TENM2: variants seen among roughly 807,000 people sequenced by gnomAD.
The protein encoded by TENM2 is teneurin-2.
A neutral mutation model predicts 245.2 loss-of-function variants in TENM2; 52 were observed. The ratio of observed to expected loss-of-function variants is 0.21; its 90% CI spans 0.17 to 0.27. The LOEUF (loss-of-function observed/expected upper bound fraction) is 0.27. Among genes scored for constraint, TENM2 ranks in the 10% least tolerant of loss-of-function variants. The probability of loss-of-function intolerance (pLI) is 1.00; values close to 1 mark genes in which losing one functional copy is unlikely to be tolerated. For missense variants in TENM2, 3,046 were observed against 3,666.8 expected, an observed-to-expected ratio of 0.83 and a Z score of 4.37; for synonymous variants, 1,363 against 1,438.9, an observed-to-expected ratio of 0.95 and a Z score of 1.19.
intron 2 of TENM2, among the ~76,000 whole-genome samples, chr5:167,447,982 C>G (rs1048829951): frequency 1.3e-5 from 2 of 152,068 alleles, no homozygotes; most frequent in South Asian, 2.1e-4. Context: ...TTGCAAGAGA[C>G]AGCTGTACTG....
chr5:168,195,118 G>GGA (rs1761297206), intron 14 of TENM2, 58 bp from the exon 17 acceptor site: 1 of 1,549,386 alleles, frequency 6.5e-7, no homozygotes, highest in African/African-American at 1.4e-5. Flanking sequence ...GAGGCAGTGG[G>GGA]GAATTGTCTC....
At chr5:167,980,382 A>G (rs962274788) in intron 4 of TENM2, among the ~76,000 whole-genome samples, 1 of 152,146 alleles carries the variant, frequency 6.6e-6, no homozygotes, top group Middle Eastern at 3.2e-3. Flanking sequence ...TTGAGGAGAG[A>G]CTTGAAAGAC....
intron 7 of TENM2, among the ~76,000 whole-genome samples, chr5:168,077,349 A>G (rs1791566660): frequency 6.6e-6 from 1 of 152,076 alleles, no homozygotes; most frequent in African/African-American, 2.4e-5. Flanking sequence ...AAAGATCTTT[A>G]GTGAGTACCC....
At chr5:167,580,047 C>G (rs190389230) in intron 2 of TENM2, among the ~76,000 whole-genome samples, 20 of 152,282 alleles carry the variant, frequency 1.3e-4, no homozygotes, top group Non-Finnish European at 2.4e-4. Context: ...GAATGGATTA[C>G]AAATTTCTCT....
intron 9 of TENM2, among the ~76,000 whole-genome samples, chr5:168,115,359 G>GGGAAGGAAAGAA (rs1794980992): frequency 1.4e-5 from 1 of 71,598 alleles, no homozygotes; most frequent in African/African-American, 6.6e-5. Context: ...AGGGAAGGAA[G>GGGAAGGAAAGAA]GGAAGGAAGG....
At chr5:167,509,018 A>T (rs917016722) in intron 2 of TENM2, among the ~76,000 whole-genome samples, 1 of 152,110 alleles carries the variant, frequency 6.6e-6, no homozygotes, top group African/African-American at 2.4e-5. Flanking sequence ...GGGTTTCACC[A>T]TGTTGGCCAG....
At chr5:167,344,025 AT>A (rs145682408) in intron 1 of TENM2, among the ~76,000 whole-genome samples, 3,332 of 151,742 alleles carry the variant, frequency 0.022, 151 homozygotes, top group African/African-American at 0.076. Context: ...AAGTTCATTC[AT>A]TTATCTAGCT....
chr5:167,386,437 T>C (rs747403800), intron 2 of TENM2, among the ~76,000 whole-genome samples: 1 of 152,212 alleles, frequency 6.6e-6, no homozygotes, highest in African/African-American at 2.4e-5. Flanking sequence ...ATGTATAGAT[T>C]GTGAAGATTT....
chr5:167,882,672 A>T (rs185329391), intron 3 of TENM2, among the ~76,000 whole-genome samples: 1 of 152,308 alleles, frequency 6.6e-6, no homozygotes, highest in Admixed American at 6.5e-5. Flanking sequence ...GTAATGCCAG[A>T]TGCCTATAAA....
Position 167,997,287 on chromosome 5 carries a change from T to G in TENM2, c.1186+4105T>G, listed in dbSNP as rs921206742. On this transcript the variant is annotated intron_variant, in intron 5 of 28. Transcript: ENST00000518659. Reference sequence around the variant, plus strand: ...CTCCTCAAGATTGCAGTTAACCAGTTTCTCACATACTGTATGAAACTGAAA... The same window carrying G: ...CTCCTCAAGATTGCAGTTAACCAGTGTCTCACATACTGTATGAAACTGAAA... Among the ~76,000 whole-genome samples the G allele has an allele frequency of 9.9e-5, 15 of 152,274 alleles. No homozygotes were observed. In the East Asian group the frequency reaches 2.7e-3, roughly 27 times the overall value.
chr5:168,136,935 A>G (rs1208402665), intron 12 of TENM2, among the ~76,000 whole-genome samples: 2 of 152,168 alleles, frequency 1.3e-5, no homozygotes, highest in Non-Finnish European at 2.9e-5. Context: ...TCCCTCCTTC[A>G]TAATAATCGC....
intron 1 of TENM2, among the ~76,000 whole-genome samples, chr5:167,338,671 CT>C (rs1170647572): frequency 6.6e-6 from 1 of 152,168 alleles, no homozygotes; most frequent in East Asian, 1.9e-4. Context: ...ACCACACTAC[CT>C]TGCTTGCTAT....
chr5:167,105,175 T>C, the TENM2 span, among the ~76,000 whole-genome samples: 1 of 152,226 alleles, frequency 6.6e-6, no homozygotes, highest in African/African-American at 2.4e-5. Context: ...GTTTGTAGCA[T>C]ACTGATGTAG....
the TENM2 span, among the ~76,000 whole-genome samples, chr5:167,134,212 G>T: frequency 3.3e-5 from 5 of 152,048 alleles, no homozygotes; most frequent in African/African-American, 9.7e-5. Context: ...AAAAATAATT[G>T]GTTTAATAGC....
chr5:166,982,764 T>C, the TENM2 span, among the ~76,000 whole-genome samples: 4 of 151,704 alleles, frequency 2.6e-5, no homozygotes, highest in South Asian at 8.3e-4. Flanking sequence ...TCAGGGAACA[T>C]TGCAAGACAT....
intron 21 of TENM2, 44 bp from the exon 24 acceptor site, chr5:168,216,724 T>C: frequency 2.5e-6 from 4 of 1,610,090 alleles, no homozygotes; most frequent in Non-Finnish European, 2.5e-6. Flanking sequence ...CCCGCAATCC[T>C]ACACCTTTCC....
At chr5:167,549,505 CTA>C (rs1772791187) in intron 2 of TENM2, among the ~76,000 whole-genome samples, 1 of 152,100 alleles carries the variant, frequency 6.6e-6, no homozygotes, top group South Asian at 2.1e-4. Context: ...CATCTTGTAA[CTA>C]TTAGATTTCT....
At chr5:167,708,855 T>C (rs957865835) in intron 2 of TENM2, among the ~76,000 whole-genome samples, 9 of 152,208 alleles carry the variant, frequency 5.9e-5, no homozygotes, top group Non-Finnish European at 1.3e-4. Flanking sequence ...AATGGGAGTA[T>C]ATAAGAGATT....
chr5:167,054,114 T>C, the TENM2 span, among the ~76,000 whole-genome samples: 1 of 152,176 alleles, frequency 6.6e-6, no homozygotes, highest in Non-Finnish European at 1.5e-5. Context: ...TTTTGACAAA[T>C]GGATGACGAC....
Sources: allele counts gnomAD v4.1 joint callset (sites outside exome capture counted in the v4.1 genomes callset), GRCh38; gene constraint gnomAD v4.1.1; transcripts MANE v1.5; gene names NCBI Gene and HGNC (gene_info 2026-07-23, HGNC 2026-07-21).